Variants in TENM1 observed in about 807,000 individuals in gnomAD.
TENM1 encodes teneurin transmembrane protein 1.
In TENM1, 35 loss-of-function variants were observed where a neutral mutation model predicts 174.8. The observed-to-expected ratio is 0.20, with a 90% confidence interval of 0.15 to 0.27. The LOEUF is 0.27. Among genes scored for constraint, TENM1 ranks in the 10% least tolerant of loss-of-function variants. The pLI is 1.00. For missense variants in TENM1, 1,633 were observed against 2,130.1 expected, an observed-to-expected ratio of 0.77 and a Z score of 4.59; for synonymous variants, 781 against 798.7, an observed-to-expected ratio of 0.98 and a Z score of 0.37.
chrX:124,935,122 G>A (rs754349630), intron 1 of TENM1, among the ~76,000 whole-genome samples: 1 of 107,807 alleles, frequency 9.3e-6, no homozygotes, highest in Non-Finnish European at 1.9e-5. Flanking sequence ...AAAAGTTATA[G>A]TAGAATTATT....
Position 124,481,702 on chromosome X carries a change from T to TATATATATATAC in TENM1, c.3949+29_3949+30insGTATATATATAT, listed in dbSNP as rs749439437. ...TCTTTAGATGACCCAAGGGTATATA[T>TATATATATATAC]ATATATATATTTATTTATTTATTTT... On this transcript the variant is annotated intron_variant, in intron 22 of 31. Transcript: ENST00000422452. The TATATATATATAC allele has an allele frequency of 5.8e-4, 206 of 352,959 alleles. 1 individual carries two copies. Among genetic ancestry groups the TATATATATATAC allele is most frequent in the Non-Finnish European group, 1.8e-4 (39 of 218,396 alleles). 29.1% of individuals were successfully genotyped at this position (352,959 alleles called of 1,213,427 possible). A position where few individuals can be genotyped will look rare whatever the true frequency, so the allele number is the denominator to read the frequency against.
chrX:124,963,882 G>T, upstream of TENM1: 1 of 542,008 alleles, frequency 1.8e-6, no homozygotes, highest in Non-Finnish European at 3.0e-6. Flanking sequence ...AATGCATCTG[G>T]CAGATTCACA....
chrX:124,610,525 G>C (rs1006569318), intron 11 of TENM1, among the ~76,000 whole-genome samples: 1 of 110,982 alleles, frequency 9.0e-6, no homozygotes, highest in Admixed American at 9.6e-5. Flanking sequence ...TCAACTCTTT[G>C]ATTACAATAA....
At chrX:124,601,392 G>A (rs2050022833) in intron 11 of TENM1, among the ~76,000 whole-genome samples, 1 of 110,711 alleles carries the variant, frequency 9.0e-6, no homozygotes, top group Admixed American at 9.7e-5. Flanking sequence ...AGGACTCTTC[G>A]AGGACTGTAA....
intron 22 of TENM1, among the ~76,000 whole-genome samples, chrX:124,481,314 C>A (rs2046836622): frequency 9.0e-6 from 1 of 110,933 alleles, no homozygotes; most frequent in African/African-American, 3.3e-5. Context: ...GACCTTATCG[C>A]AAGCAATGCA....
At chrX:124,803,527 T>C (rs1340683988) in intron 3 of TENM1, among the ~76,000 whole-genome samples, 1 of 112,282 alleles carries the variant, frequency 8.9e-6, no homozygotes, top group Non-Finnish European at 1.9e-5. Flanking sequence ...CAAACTGTAC[T>C]CATCCTGCTC....
intron 3 of TENM1, among the ~76,000 whole-genome samples, chrX:124,883,007 A>T (rs1183290886): frequency 5.4e-5 from 6 of 111,306 alleles, no homozygotes; most frequent in Admixed American, 9.5e-5. Flanking sequence ...ATTTAATTTA[A>T]TTTTTTGTCT....
At chrX:124,502,800 G>A (rs1002170510) in intron 19 of TENM1, among the ~76,000 whole-genome samples, 10 of 112,255 alleles carry the variant, frequency 8.9e-5, no homozygotes, top group African/African-American at 3.2e-4. Flanking sequence ...CTCTTTCTAT[G>A]GTTGAAGTAA....
intron 22 of TENM1, among the ~76,000 whole-genome samples, chrX:124,480,675 T>G (rs940566567): frequency 6.2e-5 from 7 of 112,399 alleles, no homozygotes; most frequent in African/African-American, 2.3e-4. Context: ...TTAAATTTTT[T>G]TATTCTCCCT....
At chrX:124,673,375 C>T (rs776165845) in intron 5 of TENM1, among the ~76,000 whole-genome samples, 2 of 111,744 alleles carry the variant, frequency 1.8e-5, no homozygotes, top group East Asian at 2.8e-4. Context: ...AGAGGCATTT[C>T]TATTTTTTGA....
chrX:124,460,714 T>G (rs2061161622), intron 22 of TENM1, among the ~76,000 whole-genome samples: 2 of 105,628 alleles, frequency 1.9e-5, no homozygotes, highest in Non-Finnish European at 3.9e-5. Context: ...CCTGTACATG[T>G]ACCCCTGAAC....
In TENM1 at chrX:124,547,110, C is replaced by T. The variant is rs2148120544; in HGVS notation, c.2435-20G>A. 1.8e-6 allele frequency: 2 copies of T among 1,138,779 alleles called. No individual in the cohort carries two copies. Among genetic ancestry groups the T allele is most frequent in the East Asian group, 3.0e-5 (1 of 33,394 alleles). 93.8% of individuals were successfully genotyped at this position (1,138,779 alleles called of 1,213,427 possible). A position where few individuals can be genotyped will look rare whatever the true frequency, so the allele number is the denominator to read the frequency against. On this transcript the variant is annotated intron_variant, in intron 14 of 31. Coordinates refer to ENST00000422452, the Ensembl canonical transcript of TENM1. ...AACCATCTGGAAATAAAACCCAAAA[C>T]CAATATTGATTATTTAGCTTCAAGA...
At chrX:124,473,945 A>C (rs2061361780) in intron 22 of TENM1, among the ~76,000 whole-genome samples, 2 of 111,349 alleles carry the variant, frequency 1.8e-5, no homozygotes, top group Non-Finnish European at 3.8e-5. Context: ...AGGAACCAAC[A>C]CTAGAATTGC....
At chrX:124,803,875 G>T (rs764580301) in intron 3 of TENM1, among the ~76,000 whole-genome samples, 68 of 112,317 alleles carry the variant, frequency 6.1e-4, no homozygotes, top group African/African-American at 1.8e-3. Flanking sequence ...CCTCATATGT[G>T]GCATTGTGCA....
the TENM1 span, among the ~76,000 whole-genome samples, chrX:125,202,480 G>A: frequency 2.7e-5 from 3 of 111,862 alleles, no homozygotes; most frequent in Non-Finnish European, 5.6e-5. Context: ...AACACCTCCA[G>A]GTTGGTATCC....
chrX:125,081,356 C>T, the TENM1 span, among the ~76,000 whole-genome samples: 6 of 111,058 alleles, frequency 5.4e-5, no homozygotes, highest in African/African-American at 1.6e-4. Context: ...CTCATGTATA[C>T]AGCTGTTTCT....
At chrX:124,593,722 G>A (rs1225532576) in intron 11 of TENM1, among the ~76,000 whole-genome samples, 1 of 111,975 alleles carries the variant, frequency 8.9e-6, no homozygotes, top group Non-Finnish European at 1.9e-5. Flanking sequence ...GCAGGCTGGG[G>A]CACTTAGCAA....
intron 18 of TENM1, among the ~76,000 whole-genome samples, chrX:124,516,663 C>T (rs1396157323): frequency 9.0e-6 from 1 of 111,591 alleles, no homozygotes. Flanking sequence ...ATAATAGATG[C>T]TGGCAAGGTT....
chrX:124,719,339 C>T (rs1194554076), intron 4 of TENM1, among the ~76,000 whole-genome samples: 2 of 110,434 alleles, frequency 1.8e-5, no homozygotes, highest in African/African-American at 6.7e-5. Flanking sequence ...TTTACCCTTA[C>T]TGACCAAACA....
Sources: allele counts gnomAD v4.1 joint callset (sites outside exome capture counted in the v4.1 genomes callset), GRCh38; gene constraint gnomAD v4.1.1; transcripts MANE v1.5; gene names NCBI Gene and HGNC (gene_info 2026-07-23, HGNC 2026-07-21).